The following GAB4 variants were observed in gnomAD, a reference collection of about 807,000 sequenced individuals.
The protein encoded by GAB4 is GRB2 associated binding protein family member 4.
In GAB4, 26 loss-of-function variants were observed where a neutral mutation model predicts 51.3. The ratio of observed to expected loss-of-function variants is 0.51; its 90% CI spans 0.37 to 0.70. GAB4 has a LOEUF of 0.70. Ranked by LOEUF, GAB4 falls within the 30% of genes least tolerant of loss-of-function variation. GAB4 has a pLI of 0.00. For missense variants in GAB4, 759 were observed against 734.6 expected (o/e 1.03, Z -0.38); for synonymous variants, 329 against 291.2 (o/e 1.13, Z -1.32).
At chr22:17,004,481 A>G (rs1319562739) in intron 1 of GAB4, among the ~76,000 whole-genome samples, 1 of 152,214 alleles carries the variant, frequency 6.6e-6, no homozygotes, top group African/African-American at 2.4e-5. Context: ...ATCAATCACG[A>G]TCAAGTCGAC....
intron 2 of GAB4, among the ~76,000 whole-genome samples, chr22:16,989,047 T>C (rs1304571982): frequency 1.3e-5 from 2 of 152,210 alleles, no homozygotes; most frequent in African/African-American, 4.8e-5. Flanking sequence ...GGCACTTCCT[T>C]GCCCAGTCCA....
At chr22:16,980,056 C>T (rs532366843) in intron 3 of GAB4, among the ~76,000 whole-genome samples, 3 of 152,106 alleles carry the variant, frequency 2.0e-5, no homozygotes, top group East Asian at 1.9e-4. Flanking sequence ...CCACAAAAAC[C>T]GTGGAAAAAA....
intron 2 of GAB4, among the ~76,000 whole-genome samples, chr22:16,989,421 CT>C (rs1322428784): frequency 6.6e-6 from 1 of 152,214 alleles, no homozygotes; most frequent in East Asian, 1.9e-4. Context: ...GCTAATGCCC[CT>C]GAGTGTCTGC....
chr22:17,001,985 G>C (rs2061001379), intron 1 of GAB4, among the ~76,000 whole-genome samples: 1 of 152,172 alleles, frequency 6.6e-6, no homozygotes, highest in Admixed American at 6.5e-5. Flanking sequence ...TATTCTCCTG[G>C]TGTGCTGTTT....
chr22:16,988,454 G>A (rs961411984), intron 2 of GAB4, among the ~76,000 whole-genome samples: 2 of 152,188 alleles, frequency 1.3e-5, no homozygotes, highest in Non-Finnish European at 1.5e-5. Flanking sequence ...AGTGTGGTCC[G>A]GGCCCCCAGG....
chr22:17,001,570 C>T lies in GAB4; in HGVS notation c.174+6371G>A, dbSNP rs1162053381. On this transcript the variant is annotated intron_variant, in intron 1 of 9. Transcript: ENST00000400588. ...TTTTTCAAGATTTTTAGCTTCTTTGCGATGGGTTCAAATATCCTCCTTTAG... is the reference window on the plus strand; with the variant it reads ...TTTTTCAAGATTTTTAGCTTCTTTGTGATGGGTTCAAATATCCTCCTTTAG... Among the ~76,000 whole-genome samples the T allele has an allele frequency of 2.6e-5, 4 of 152,230 alleles. No individual in the cohort carries two copies. In the East Asian group the frequency reaches 7.7e-4, roughly 29 times the overall value.
intron 1 of GAB4, among the ~76,000 whole-genome samples, chr22:17,001,542 TC>T: frequency 6.6e-6 from 1 of 152,332 alleles, no homozygotes; most frequent in Non-Finnish European, 1.5e-5. Flanking sequence ...ATTTGCATAA[TC>T]TTTTTTCAAG....
At chr22:16,990,178 C>T (rs946888612) in intron 2 of GAB4, among the ~76,000 whole-genome samples, 1 of 152,214 alleles carries the variant, frequency 6.6e-6, no homozygotes, top group Non-Finnish European at 1.5e-5. Flanking sequence ...TAAGATGACT[C>T]ACAAAGCACT....
At chr22:16,965,851 C>T (rs1395542423) in intron 6 of GAB4, among the ~76,000 whole-genome samples, 1 of 152,208 alleles carries the variant, frequency 6.6e-6, no homozygotes, top group Non-Finnish European at 1.5e-5. Context: ...CTGGTCTACA[C>T]GTGGAGGGCA....
chr22:16,976,510 T>C (rs1296399700), intron 3 of GAB4, among the ~76,000 whole-genome samples: 1 of 151,932 alleles, frequency 6.6e-6, no homozygotes, highest in African/African-American at 2.4e-5. Context: ...CAAGGAAATA[T>C]GGGACTATGT....
rs369693860 is a variant in GAB4 at position 16,991,955 on chromosome 22, C to G, written c.396G>C (p.Leu132=). 92 of 1,614,032 alleles carry G rather than the reference C, an allele frequency of 5.7e-5. No homozygotes were observed. Among genetic ancestry groups the G allele is most frequent in the Non-Finnish European group, 6.8e-5 (80 of 1,179,968 alleles). Residue 132 remains leucine (L), a synonymous_variant, in exon 2 of 10, where the codon CTG becomes CTC. Transcript: ENST00000400588. ...TCATGTCCTCCCTGGTCTCAGCCAC[C>G]AGGTAAAAGGTACGCTCACTGGTCT... ...DIKTSERTFY[L]VAETREDMNE...
Position 16,970,156 on chromosome 22 carries a change from T to A in GAB4, c.724A>T (p.Ile242Phe), listed in dbSNP as rs369396073. Residue 242 changes from isoleucine (I) to phenylalanine (F), a missense_variant, in exon 4 of 10, where the codon ATC becomes TTC. By Grantham distance (21) the Ile-to-Phe change is conservative. Transcript: ENST00000400588. ...SFSQGSEAPF[I>F]MRRNTAMQNL... Reference sequence around the variant, plus strand: ...TGCATGGCTGTGTTTCTCCTCATGATGAATGGGGCCTCAGAACCCTGGGAG... The same window carrying A: ...TGCATGGCTGTGTTTCTCCTCATGAAGAATGGGGCCTCAGAACCCTGGGAG... The A allele has an allele frequency of 2.0e-5, 32 of 1,613,906 alleles. No homozygotes were observed. Among genetic ancestry groups the A allele is most frequent in the African/African-American group, 2.7e-5 (2 of 74,852 alleles).
chr22:17,001,653 G>C (rs897452075), intron 1 of GAB4, among the ~76,000 whole-genome samples: 1 of 152,160 alleles, frequency 6.6e-6, no homozygotes, highest in African/African-American at 2.4e-5. Context: ...ACTCGTCAAA[G>C]TCATTCTCTG....
At position 16,966,140 on chromosome 22, in the gene GAB4, C is replaced by G; in HGVS notation, c.1248G>C (p.Gln416His). Residue 416 changes from glutamine (Q) to histidine (H), a missense_variant, in exon 6 of 10, where the codon CAG becomes CAC. Coordinates refer to ENST00000400588, the MANE Select transcript of GAB4 (RefSeq NM_001037814.1). The stretch of plus-strand genomic sequence containing the variant: ...TGAGGCTGCGGTTGACAGGGGGCAG[C>G]TGGACCTCATGTCCCTGGCTGAGGT... Reference protein sequence around the residue: ...HQDLSQGHEVQLPPVNRSLKP... With the variant: ...HQDLSQGHEVHLPPVNRSLKP... 1.9e-6 allele frequency: 3 copies of G among 1,614,096 alleles called. No homozygotes were observed. The highest frequency in any genetic ancestry group is 2.5e-6 in the Non-Finnish European group (3 of 1,180,030).
chr22:16,999,547 C>T (rs577125611), intron 1 of GAB4, among the ~76,000 whole-genome samples: 1 of 152,168 alleles, frequency 6.6e-6, no homozygotes, highest in South Asian at 2.1e-4. Flanking sequence ...CTTTATTAGT[C>T]TTGCTAGAGG....
chr22:16,987,937 C>A (rs1163008452), intron 3 of GAB4, 23 bp downstream of exon 3: 31 of 1,566,062 alleles, frequency 2.0e-5, no homozygotes, highest in Non-Finnish European at 2.6e-5. Flanking sequence ...TCACTGCCCC[C>A]ACTGGCCATA....
chr22:16,970,363 TG>T (rs1181336796), intron 3 of GAB4, among the ~76,000 whole-genome samples, 170 bp from the exon 4 acceptor site: 1 of 152,206 alleles, frequency 6.6e-6, no homozygotes, highest in Non-Finnish European at 1.5e-5. Context: ...TACTACCTTG[TG>T]GCCTTGAGTA....
Position 16,988,136 on chromosome 22 carries a change from G to C in GAB4, c.510C>G (p.His170Gln). ...GCTCAGCTGGAGAAGAGCAGAGGCC[G>C]TGACTGGCTGAGGAAATGTTTCCCA... ...GFLGNISSAS[H>Q]GLCSSPAEPS... Residue 170 changes from histidine (H) to glutamine (Q), a missense_variant, in exon 3 of 10, where the codon CAC (histidine) becomes CAG (glutamine). Transcript: ENST00000400588. The C allele has an allele frequency of 6.2e-7, 1 of 1,612,702 alleles. No homozygotes were observed. The highest frequency in any genetic ancestry group is 1.1e-5 in the South Asian group (1 of 90,842).
At chr22:17,003,261 G>C (rs1178587366) in intron 1 of GAB4, among the ~76,000 whole-genome samples, 1 of 152,094 alleles carries the variant, frequency 6.6e-6, no homozygotes, top group African/African-American at 2.4e-5. Flanking sequence ...GTCAATATTA[G>C]GCAGATTAAC....
Sources: allele counts gnomAD v4.1 joint callset (sites outside exome capture counted in the v4.1 genomes callset), GRCh38; gene constraint gnomAD v4.1.1; transcripts MANE v1.5; gene names NCBI Gene and HGNC (gene_info 2026-07-23, HGNC 2026-07-21).